Variants in SNAP91 observed in about 807,000 individuals in gnomAD.
The protein encoded by SNAP91 is synaptosome associated protein 91, also known as clathrin coat assembly protein AP180.
A neutral mutation model predicts 100.3 loss-of-function variants in SNAP91; 27 were observed. The ratio of observed to expected loss-of-function variants is 0.27; its 90% CI spans 0.20 to 0.37. SNAP91 has a LOEUF of 0.37. SNAP91 is among the 10% of genes least tolerant of loss of function. The pLI is 1.00. For missense variants in SNAP91, 986 were observed against 1,123.7 expected, an observed-to-expected ratio of 0.88 and a Z score of 1.75; for synonymous variants, 404 against 398.6, an observed-to-expected ratio of 1.01 and a Z score of -0.16.
intron 14 of SNAP91, among the ~76,000 whole-genome samples, chr6:83,604,081 T>A (rs2095463647): frequency 6.6e-6 from 1 of 152,124 alleles, no homozygotes; most frequent in Non-Finnish European, 1.5e-5. Context: ...CAAAATTTTT[T>A]AAAAAAAGAT....
chr6:83,601,575 C>A lies in SNAP91; in HGVS notation c.1156+10G>T. The A allele has an allele frequency of 1.2e-6, 2 of 1,613,484 alleles. No homozygotes were observed. The highest frequency in any genetic ancestry group is 1.7e-6 in the Non-Finnish European group (2 of 1,179,538). On this transcript the variant is annotated intron_variant, in intron 15 of 29. Coordinates refer to ENST00000369694, the MANE Select transcript of SNAP91 (RefSeq NM_001242792.2). ...TCAAAATGGAAGTTTAAAAACAAAG[C>A]TTTACTCACCCTCTCCCAAAAGGTC...
intron 17 of SNAP91, among the ~76,000 whole-genome samples, chr6:83,593,995 C>T (rs1226962284): frequency 6.6e-6 from 1 of 152,192 alleles, no homozygotes. Flanking sequence ...GATTAACCTA[C>T]AGTCTAGGAT....
At chr6:83,679,380 A>G (rs991035586) in intron 2 of SNAP91, among the ~76,000 whole-genome samples, 1 of 152,196 alleles carries the variant, frequency 6.6e-6, no homozygotes, top group African/African-American at 2.4e-5. Flanking sequence ...AATGGTTTTT[A>G]CACTTCTTTA....
At chr6:83,569,653 C>G (rs1803022914) in intron 26 of SNAP91, among the ~76,000 whole-genome samples, 1 of 152,174 alleles carries the variant, frequency 6.6e-6, no homozygotes, top group Non-Finnish European at 1.5e-5. Flanking sequence ...TCTTCCTACC[C>G]AAGTCTCATC....
intron 5 of SNAP91, among the ~76,000 whole-genome samples, chr6:83,661,170 A>C (rs1224486188): frequency 6.6e-6 from 1 of 152,174 alleles, no homozygotes; most frequent in East Asian, 1.9e-4. Context: ...CCTCCTTCTT[A>C]AATTATTTAA....
intron 1 of SNAP91, 63 bp downstream of exon 1, chr6:83,708,782 C>A: frequency 6.6e-6 from 1 of 152,258 alleles, no homozygotes; most frequent in Non-Finnish European, 1.5e-5. Context: ...TGGGATTATC[C>A]TCTGCGGATC....
chr6:83,562,338 A>G (rs752530509), intron 26 of SNAP91, among the ~76,000 whole-genome samples: 5 of 152,186 alleles, frequency 3.3e-5, no homozygotes, highest in Non-Finnish European at 5.9e-5. Flanking sequence ...ATACACCATG[A>G]CCAGGTTTTA....
intron 2 of SNAP91, among the ~76,000 whole-genome samples, chr6:83,684,672 G>T (rs1469659733): frequency 6.6e-6 from 1 of 152,142 alleles, no homozygotes; most frequent in East Asian, 1.9e-4. Context: ...AAATATAGTG[G>T]ATATGAAACA....
intron 25 of SNAP91, 171 bp from the exon 26 acceptor site, chr6:83,575,292 A>C (rs1475700285): frequency 5.0e-6 from 3 of 595,234 alleles, no homozygotes; most frequent in Non-Finnish European, 8.7e-6. Flanking sequence ...GCCATGCTGT[A>C]ACTAAGAAAG....
chr6:83,555,727 C>A (rs1449330529), intron 29 of SNAP91, among the ~76,000 whole-genome samples: 2 of 151,846 alleles, frequency 1.3e-5, no homozygotes, highest in African/African-American at 2.4e-5. Context: ...CTTTATGAGG[C>A]AAAAGAAGGA....
chr6:83,658,807 C>T (rs147468806), intron 6 of SNAP91, among the ~76,000 whole-genome samples, 192 bp downstream of exon 6: 1,531 of 152,184 alleles, frequency 0.01, 12 homozygotes, highest in South Asian at 0.029. Context: ...TATGTAAACA[C>T]CTGGTAAACT....
chr6:83,616,939 T>A (rs1455810064), intron 10 of SNAP91, 30 bp downstream of exon 10: 5 of 1,361,708 alleles, frequency 3.7e-6, no homozygotes, highest in African/African-American at 1.5e-5. Flanking sequence ...GTATTTTTCA[T>A]CTTATTTAGA....
chr6:83,593,533 G>GGTA lies in SNAP91; in HGVS notation c.1638_1640dup (p.Thr549dup). On this transcript the variant is annotated inframe_insertion, in exon 18 of 30. Transcript: ENST00000369694. Reference sequence around the variant, plus strand: ...TGGTGGCGGTGGCAGCGGAGGTGGTGGTAGTGGTGGTGGCAGCGGCGGTGG... The same window carrying GGTA: ...TGGTGGCGGTGGCAGCGGAGGTGGTGGTAGTAGTGGTGGTGGCAGCGGCGGTGG... 1 of 1,552,790 alleles carries GGTA rather than the reference G, an allele frequency of 6.4e-7. No individual in the cohort carries two copies. Among genetic ancestry groups the GGTA allele is most frequent in the Non-Finnish European group, 8.7e-7 (1 of 1,147,518 alleles).
At chr6:83,688,561 T>C (rs2099091934) in intron 2 of SNAP91, among the ~76,000 whole-genome samples, 1 of 150,528 alleles carries the variant, frequency 6.6e-6, no homozygotes. Context: ...TGGAGTGCAG[T>C]GGTGCAGTCT....
chr6:83,563,311 T>C (rs1791255665), intron 26 of SNAP91, among the ~76,000 whole-genome samples: 1 of 152,156 alleles, frequency 6.6e-6, no homozygotes, highest in South Asian at 2.1e-4. Flanking sequence ...GCAGAAAAGC[T>C]GTTTGACGAA....
chr6:83,590,626 T>C (rs115949018), intron 22 of SNAP91, among the ~76,000 whole-genome samples: 1,575 of 152,132 alleles, frequency 0.01, 22 homozygotes, highest in African/African-American at 0.036. Context: ...TCTGTAACAG[T>C]TTCTCTTGGA....
rs573815591 is a variant in SNAP91 at position 83,580,330 on chromosome 6, C to T, written c.2299+120G>A. 54 of 1,008,740 alleles carry T rather than the reference C, an allele frequency of 5.4e-5. 1 individual carries two copies. The East Asian group carries it at 8.9e-4, about 17-fold the overall frequency. 62.5% of individuals were successfully genotyped at this position (1,008,740 alleles called of 1,614,324 possible). The stretch of plus-strand genomic sequence containing the variant: ...GTATTTCTATTCCCTCCCTGCCATA[C>T]TCACCCATAAGAGAGTCCAGAAACA... On this transcript the variant is annotated intron_variant, in intron 24 of 29. Transcript: ENST00000369694.
intron 2 of SNAP91, among the ~76,000 whole-genome samples, chr6:83,673,603 T>G (rs2098819195): frequency 1.3e-5 from 2 of 152,302 alleles, no homozygotes; most frequent in Non-Finnish European, 2.9e-5. Context: ...TGCAAACATT[T>G]GTAAACAGAA....
At chr6:83,559,542 C>T (rs1176845751) in intron 28 of SNAP91, among the ~76,000 whole-genome samples, 1 of 152,156 alleles carries the variant, frequency 6.6e-6, no homozygotes, top group Non-Finnish European at 1.5e-5. Flanking sequence ...GTGAATCATT[C>T]TAGGAAACTA....
Sources: gnomAD v4.1 joint callset for allele counts (sites outside exome capture counted in the v4.1 genomes callset) on GRCh38, gnomAD v4.1.1 for gene constraint, MANE v1.5 for transcripts, NCBI Gene and HGNC (gene_info 2026-07-23, HGNC 2026-07-21) for gene names.